Variants in TUBB8 observed in about 807,000 individuals in gnomAD.
The protein encoded by TUBB8 is tubulin beta-8 chain.
In TUBB8, 25 loss-of-function variants were observed where a neutral mutation model predicts 33.7. The ratio of observed to expected loss-of-function variants is 0.74; its 90% CI spans 0.54 to 1.04. The LOEUF is 1.04. Among genes scored for constraint, TUBB8 ranks in the 50% least tolerant of loss-of-function variants. The pLI is 0.00. For synonymous variants in TUBB8, 245 were observed against 240.1 expected (o/e 1.02, Z -0.19); for missense variants, 279 against 608.0 (o/e 0.46, Z 5.69).
chr10:58,157 G>T (rs1175416470), intron 1 of TUBB8, among the ~76,000 whole-genome samples: 1 of 152,226 alleles, frequency 6.6e-6, no homozygotes, highest in Non-Finnish European at 1.5e-5. Flanking sequence ...AAGACAACAT[G>T]AATGACCTTT....
chr10:52,279 G>A (rs570614096), upstream of TUBB8, among the ~76,000 whole-genome samples: 58 of 152,276 alleles, frequency 3.8e-4, no homozygotes, highest in African/African-American at 1.4e-3. Flanking sequence ...CCAGCTAAAT[G>A]ATTCTATGTG....
At chr10:56,223 T>C (rs1834528801) in intron 1 of TUBB8, among the ~76,000 whole-genome samples, 1 of 152,248 alleles carries the variant, frequency 6.6e-6, no homozygotes, top group Admixed American at 6.5e-5. Context: ...ACACATTTTG[T>C]TTTATTTGTG....
intron 1 of TUBB8, among the ~76,000 whole-genome samples, chr10:63,033 G>T (rs1339745795): frequency 1.6e-4 from 25 of 151,886 alleles, no homozygotes; most frequent in Non-Finnish European, 3.1e-4. Flanking sequence ...ATCGAATGTT[G>T]GGGAATTGTT....
chr10:57,874 C>T (rs1834552772), intron 1 of TUBB8, among the ~76,000 whole-genome samples: 1 of 152,022 alleles, frequency 6.6e-6, no homozygotes, highest in Non-Finnish European at 1.5e-5. Context: ...TGCTCAAGTT[C>T]CTCTCTTGTA....
intron 1 of TUBB8, among the ~76,000 whole-genome samples, chr10:62,822 A>G (rs1286467360): frequency 1.3e-5 from 2 of 152,212 alleles, no homozygotes; most frequent in African/African-American, 4.8e-5. Flanking sequence ...CCACTCTCTC[A>G]GCCTGTAAAT....
At position 46,976 on chromosome 10, in the gene TUBB8, C is replaced by G; in HGVS notation, c.*81G>C. 3.3e-6 allele frequency: 2 copies of G among 604,734 alleles called. No individual in the cohort carries two copies. Among genetic ancestry groups the G allele is most frequent in the Non-Finnish European group, 5.8e-6 (2 of 344,858 alleles). 37.5% of individuals were successfully genotyped at this position (604,734 alleles called of 1,614,324 possible). On this transcript the variant is annotated 3_prime_UTR_variant, in exon 4 of 4. Transcript: ENST00000568584. ...CAGGAGATGTGAAGACACAAATTAA[C>G]AAGCGTATAGTGACACATGGCTGTC...
chr10:69,612 C>A (rs1834711344), intron 1 of TUBB8, among the ~76,000 whole-genome samples: 1 of 152,102 alleles, frequency 6.6e-6, no homozygotes, highest in Non-Finnish European at 1.5e-5. Flanking sequence ...AATGGCGTAA[C>A]TAATTACTGA....
At chr10:64,787 T>G (rs1159091436) in intron 1 of TUBB8, among the ~76,000 whole-genome samples, 2 of 152,150 alleles carry the variant, frequency 1.3e-5, no homozygotes, top group Admixed American at 6.5e-5. Flanking sequence ...AAAAGTTGCT[T>G]ACACTGACTA....
At chr10:59,443 C>G (rs1464826575) in intron 1 of TUBB8, among the ~76,000 whole-genome samples, 1 of 152,228 alleles carries the variant, frequency 6.6e-6, no homozygotes, top group African/African-American at 2.4e-5. Context: ...CCTACCTAGG[C>G]TTCCAAAAGT....
chr10:61,208 TA>T (rs1230621961), intron 1 of TUBB8, among the ~76,000 whole-genome samples: 6 of 152,206 alleles, frequency 3.9e-5, no homozygotes, highest in Non-Finnish European at 8.8e-5. Flanking sequence ...ACATGTACCC[TA>T]AAACTTAAAG....
chr10:49,106 C>T (rs2131813821), intron 1 of TUBB8, 76 bp downstream of exon 1: 5 of 1,453,638 alleles, frequency 3.4e-6, no homozygotes, highest in African/African-American at 1.4e-5. Context: ...GCATGGGCAC[C>T]GCCCCCGCCA....
At chr10:76,025 G>A (rs567836786), upstream of TUBB8, among the ~76,000 whole-genome samples, 19 of 151,330 alleles carry the variant, frequency 1.3e-4, 1 homozygote, top group African/African-American at 4.6e-4. Flanking sequence ...TGTAATTCCA[G>A]CTACTCGGGA....
upstream of TUBB8, among the ~76,000 whole-genome samples, chr10:52,111 G>T (rs566590614): frequency 1.2e-3 from 176 of 152,310 alleles, no homozygotes; most frequent in Non-Finnish European, 1.9e-3. Flanking sequence ...TAACCCTGTG[G>T]GCTTGGCCTC....
At chr10:70,432 A>G (rs1368453683) in intron 1 of TUBB8, among the ~76,000 whole-genome samples, 1 of 150,714 alleles carries the variant, frequency 6.6e-6, no homozygotes, top group Non-Finnish European at 1.5e-5. Context: ...ATCCCTCCCC[A>G]CTCTCCCCAC....
intron 1 of TUBB8, among the ~76,000 whole-genome samples, chr10:67,994 A>C (rs10904494): frequency 0.26 from 38,812 of 151,904 alleles, 4,205 homozygotes; most frequent in Non-Finnish European, 0.34. Flanking sequence ...TTCATTCTAA[A>C]ATTTTTAAAA....
At chr10:68,008 C>G (rs536661709) in intron 1 of TUBB8, among the ~76,000 whole-genome samples, 7 of 152,258 alleles carry the variant, frequency 4.6e-5, no homozygotes, top group African/African-American at 1.7e-4. Context: ...TTTAAAAATT[C>G]TGAAATTTTA....
intron 1 of TUBB8, among the ~76,000 whole-genome samples, chr10:69,989 A>G (rs1554742101): frequency 2.0e-5 from 3 of 152,180 alleles, no homozygotes; most frequent in Admixed American, 2.0e-4. Flanking sequence ...AAGCTTTGTG[A>G]AATAAATTTA....
intron 1 of TUBB8, among the ~76,000 whole-genome samples, chr10:60,173 T>C (rs1486926007): frequency 1.3e-5 from 2 of 152,158 alleles, no homozygotes; most frequent in Non-Finnish European, 2.9e-5. Context: ...CTTTTTATTC[T>C]AGTGAATTAA....
intron 1 of TUBB8, among the ~76,000 whole-genome samples, chr10:56,623 A>T (rs1834534319): frequency 6.7e-6 from 1 of 150,004 alleles, no homozygotes; most frequent in African/African-American, 2.5e-5. Flanking sequence ...GTCTCATGAA[A>T]ACTTAACTAT....
Sources: allele counts gnomAD v4.1 joint callset (sites outside exome capture counted in the v4.1 genomes callset), GRCh38; gene constraint gnomAD v4.1.1; transcripts MANE v1.5; gene names NCBI Gene and HGNC (gene_info 2026-07-23, HGNC 2026-07-21).